MITF: variants seen among roughly 807,000 people sequenced by gnomAD.
The protein encoded by MITF is microphthalmia-associated transcription factor.
In MITF, 17 loss-of-function variants were observed where a neutral mutation model predicts 60.5. The observed-to-expected ratio is 0.28, with a 90% CI of 0.19 to 0.42. The LOEUF is 0.42. Ranked by LOEUF, MITF falls within the 10% of genes least tolerant of loss-of-function variation. MITF has a pLI of 1.00. For synonymous variants in MITF, 260 were observed against 248.5 expected (o/e 1.05, Z -0.43); for missense variants, 622 against 683.5 (o/e 0.91, Z 1.00).
At chr3:69,780,875 G>C (rs2062552009) in intron 1 of MITF, among the ~76,000 whole-genome samples, 1 of 152,166 alleles carries the variant, frequency 6.6e-6, no homozygotes, top group South Asian at 2.1e-4. Flanking sequence ...GATTCACTGT[G>C]GGAAGGGACT....
intron 2 of MITF, among the ~76,000 whole-genome samples, chr3:69,929,693 T>C (rs1157429053): frequency 1.3e-5 from 2 of 152,086 alleles, no homozygotes; most frequent in Non-Finnish European, 1.5e-5. Context: ...AATGACTTGA[T>C]CTGACAATAT....
intron 1 of MITF, among the ~76,000 whole-genome samples, chr3:69,769,927 G>C (rs1038660953): frequency 3.9e-5 from 6 of 152,140 alleles, no homozygotes; most frequent in Non-Finnish European, 8.8e-5. Flanking sequence ...GGGATAGCGA[G>C]ACTAAAAAAT....
intron 1 of MITF, among the ~76,000 whole-genome samples, chr3:69,811,022 T>C (rs1023630454): frequency 6.6e-6 from 1 of 152,190 alleles, no homozygotes; most frequent in Non-Finnish European, 1.5e-5. Flanking sequence ...TCTGTAGATA[T>C]ATTCTGCACA....
chr3:69,941,917 G>A (rs1306956609), intron 5 of MITF, among the ~76,000 whole-genome samples: 1 of 152,070 alleles, frequency 6.6e-6, no homozygotes, highest in Non-Finnish European at 1.5e-5. Flanking sequence ...TTTTACCAAA[G>A]TCTTATTGCA....
chr3:69,883,143 A>G (rs1559695836), intron 2 of MITF, among the ~76,000 whole-genome samples: 2 of 152,094 alleles, frequency 1.3e-5, no homozygotes, highest in Non-Finnish European at 2.9e-5. Flanking sequence ...TTTTTTTATT[A>G]CTTTGGGGCA....
chr3:69,947,393 G>A (rs1404070513), intron 5 of MITF, among the ~76,000 whole-genome samples: 4 of 152,136 alleles, frequency 2.6e-5, no homozygotes, highest in Admixed American at 1.3e-4. Flanking sequence ...AAACATGTGA[G>A]TGCCTTTCAC....
chr3:69,847,767 T>G (rs2063756775), intron 1 of MITF, among the ~76,000 whole-genome samples: 1 of 152,234 alleles, frequency 6.6e-6, no homozygotes, highest in African/African-American at 2.4e-5. Flanking sequence ...TTTTGTGGAC[T>G]CCTCCAAGAC....
At chr3:69,909,194 C>T (rs774858329) in intron 2 of MITF, among the ~76,000 whole-genome samples, 5 of 152,078 alleles carry the variant, frequency 3.3e-5, no homozygotes, top group African/African-American at 4.8e-5. Flanking sequence ...ATAAGTCTCA[C>T]GAGATCTGAT....
At chr3:69,839,576 G>A (rs1019953958) in intron 1 of MITF, among the ~76,000 whole-genome samples, 1 of 151,900 alleles carries the variant, frequency 6.6e-6, no homozygotes, top group African/African-American at 2.4e-5. Context: ...CCCAGCCATC[G>A]GCTGGTTGAG....
At chr3:69,951,542 T>G (rs529272065) in intron 6 of MITF, among the ~76,000 whole-genome samples, 7 of 152,310 alleles carry the variant, frequency 4.6e-5, no homozygotes, top group African/African-American at 1.4e-4. Flanking sequence ...TATCTGTATA[T>G]GTTTACAGTG....
chr3:69,867,115 C>G (rs921014638), intron 1 of MITF, among the ~76,000 whole-genome samples: 1 of 152,126 alleles, frequency 6.6e-6, no homozygotes, highest in African/African-American at 2.4e-5. Context: ...AAAGCTGTGT[C>G]CCCAAGTGAA....
Position 69,965,126 on chromosome 3 carries a change from G to A in MITF, c.1459G>A (p.Asp487Asn). The change falls in exon 10 of 10, where the codon GAC (aspartate) becomes AAC (asparagine). Residue 487 changes from aspartate to asparagine, a missense_variant. Transcript: ENST00000352241. ...MGSKLEDILM[D>N]DTLSPVGVTD... ...ATCCAAACTGGAAGACATCCTGATG[G>A]ACGACACCCTTTCTCCCGTCGGTGT... The A allele has an allele frequency of 3.7e-6, 6 of 1,614,122 alleles. No individual in the cohort carries two copies. In the East Asian group the frequency reaches 1.1e-4, roughly 30 times the overall value.
intron 2 of MITF, among the ~76,000 whole-genome samples, chr3:69,885,880 T>C (rs1420787668): frequency 3.9e-5 from 6 of 152,254 alleles, no homozygotes; most frequent in South Asian, 4.1e-4. Flanking sequence ...AAAACTGTTA[T>C]GAGAACAATC....
chr3:69,892,971 C>T (rs2064792774), intron 2 of MITF, among the ~76,000 whole-genome samples: 2 of 152,176 alleles, frequency 1.3e-5, no homozygotes, highest in South Asian at 4.1e-4. Flanking sequence ...TGAAATAAAA[C>T]AAACGGTCAT....
intron 1 of MITF, among the ~76,000 whole-genome samples, chr3:69,742,013 G>A (rs1026140393): frequency 8.5e-5 from 13 of 152,180 alleles, no homozygotes; most frequent in African/African-American, 3.1e-4. Flanking sequence ...AGAGTTGTTA[G>A]AGTTGAAAAT....
chr3:69,885,714 G>A (rs2064598737), intron 2 of MITF, among the ~76,000 whole-genome samples: 1 of 152,060 alleles, frequency 6.6e-6, no homozygotes, highest in Non-Finnish European at 1.5e-5. Flanking sequence ...TGTCTTAAAA[G>A]GCTTTTTATT....
At chr3:69,936,621 T>G (rs1415866520) in intron 2 of MITF, 6 of 1,575,990 alleles carry the variant, frequency 3.8e-6, no homozygotes, top group Non-Finnish European at 5.2e-6. Flanking sequence ...TTGTTTATAG[T>G]ACCTTCTCTT....
At chr3:69,762,840 T>C (rs956000559) in intron 1 of MITF, 2 of 224,086 alleles carry the variant, frequency 8.9e-6, no homozygotes, top group African/African-American at 4.5e-5. Flanking sequence ...ACTGGTCTTC[T>C]GGGAATAGTG....
chr3:69,762,409 C>T (rs2062225264), intron 1 of MITF, among the ~76,000 whole-genome samples: 1 of 152,168 alleles, frequency 6.6e-6, no homozygotes, highest in Non-Finnish European at 1.5e-5. Context: ...CATCCAAGTT[C>T]CCAGTGATTC....
Sources: gnomAD v4.1 joint callset for allele counts (sites outside exome capture counted in the v4.1 genomes callset) on GRCh38, gnomAD v4.1.1 for gene constraint, MANE v1.5 for transcripts, NCBI Gene and HGNC (gene_info 2026-07-23, HGNC 2026-07-21) for gene names.